Variants in PTPRN2 observed in about 807,000 individuals in gnomAD.
PTPRN2 encodes the protein protein tyrosine phosphatase receptor type N2.
PTPRN2 carries 74 observed loss-of-function variants against 118.8 expected under a neutral mutation model. The observed-to-expected ratio is 0.62, with a 90% confidence interval of 0.52 to 0.76. The LOEUF (loss-of-function observed/expected upper bound fraction) is 0.76, where lower values mean the gene tolerates loss of function less well. Among genes scored for constraint, PTPRN2 ranks in the 30% least tolerant of loss-of-function variants. The pLI, the probability that PTPRN2 is intolerant of heterozygous loss-of-function variation, is 0.00. For synonymous variants in PTPRN2, 641 were observed against 608.0 expected (o/e 1.05, Z -0.80); for missense variants, 1,481 against 1,394.4 (o/e 1.06, Z -0.99).
At chr7:157,807,462 G>T (rs1018100114) in intron 12 of PTPRN2, among the ~76,000 whole-genome samples, 1 of 152,232 alleles carries the variant, frequency 6.6e-6, no homozygotes, top group Non-Finnish European at 1.5e-5. Context: ...GGGCCCAGAT[G>T]TCTCCTCTGG....
chr7:158,140,533 C>T (rs910241751), intron 6 of PTPRN2, among the ~76,000 whole-genome samples: 18 of 152,126 alleles, frequency 1.2e-4, no homozygotes, highest in Non-Finnish European at 7.4e-5. Context: ...ACCACAGAGA[C>T]GAGAAGGGGG....
At chr7:158,437,800 G>A (rs1816671396) in intron 2 of PTPRN2, among the ~76,000 whole-genome samples, 1 of 152,174 alleles carries the variant, frequency 6.6e-6, no homozygotes, top group East Asian at 1.9e-4. Flanking sequence ...CAAGAATTTG[G>A]CAAATGTGTC....
chr7:158,327,284 C>T (rs991346733), intron 2 of PTPRN2, among the ~76,000 whole-genome samples: 2 of 147,950 alleles, frequency 1.4e-5, no homozygotes, highest in African/African-American at 5.0e-5. Flanking sequence ...CTCACACATG[C>T]TCACACATGT....
chr7:157,587,341 A>G lies in PTPRN2; in HGVS notation c.2496+7897T>C, dbSNP rs1291275856. 6.6e-6 allele frequency among the ~76,000 whole-genome samples: 1 copy of G among 152,188 alleles called. No homozygotes were observed. The highest frequency in any genetic ancestry group is 6.5e-5 in the Admixed American group (1 of 15,276). ...CCTGCACGGTGACAGTCAGCTGTCA[A>G]CTGTCATTCTCCTGCACCTCGGCCT... On this transcript the variant is annotated intron_variant, in intron 17 of 22. Transcript: ENST00000389418. This position sits in a 1 kb window ranked among gnomAD's most constrained non-coding sequence, Gnocchi z 5.3.
At chr7:157,811,761 A>G (rs370149973) in intron 12 of PTPRN2, among the ~76,000 whole-genome samples, 69 of 152,032 alleles carry the variant, frequency 4.5e-4, no homozygotes, top group African/African-American at 1.6e-3. Flanking sequence ...GCCTCCCCTC[A>G]TCTGACGAGG....
At position 158,136,588 on chromosome 7, in the gene PTPRN2, A is replaced by G. The variant is rs186893056; in HGVS notation, c.1173+67T>C. On this transcript the variant is annotated intron_variant, in intron 8 of 22. Coordinates refer to ENST00000389418, the MANE Select transcript of PTPRN2 (RefSeq NM_002847.5). Reference sequence around the variant, plus strand: ...TTTTGTATTTCATAAATGTTCCCACACCATGAACAAAAAGATCACCAACTT... The same window carrying G: ...TTTTGTATTTCATAAATGTTCCCACGCCATGAACAAAAAGATCACCAACTT... 1,802 of 1,506,628 alleles carry G rather than the reference A, an allele frequency of 1.2e-3. 23 individuals are homozygous for G. In the African/African-American group the frequency reaches 0.022, roughly 18 times the overall value. 93.3% of individuals were successfully genotyped at this position (1,506,628 alleles called of 1,614,324 possible). A position where few individuals can be genotyped will look rare whatever the true frequency, so the allele number is the denominator to read the frequency against.
chr7:157,655,421 G>A (rs1225754943), intron 14 of PTPRN2, among the ~76,000 whole-genome samples: 1 of 152,202 alleles, frequency 6.6e-6, no homozygotes, highest in Non-Finnish European at 1.5e-5. Context: ...TGGTTTTCTG[G>A]CTTTTTGTGG....
At chr7:157,805,648 C>T (rs1035372385) in intron 12 of PTPRN2, among the ~76,000 whole-genome samples, 6 of 152,242 alleles carry the variant, frequency 3.9e-5, no homozygotes, top group East Asian at 3.9e-4. Context: ...GCCAGTTAAG[C>T]GGTGGGGGCA....
chr7:158,330,886 A>C (rs7790546), intron 2 of PTPRN2, among the ~76,000 whole-genome samples: 59,404 of 63,024 alleles, frequency 0.94, 28,169 homozygotes, highest in Non-Finnish European at 0.95. Context: ...TTCACACCCA[A>C]ACTCTCACCA....
At chr7:158,346,930 CCTGT>C (rs1586412651) in intron 2 of PTPRN2, among the ~76,000 whole-genome samples, 1 of 152,182 alleles carries the variant, frequency 6.6e-6, no homozygotes, top group African/African-American at 2.4e-5. Context: ...AGATTCTTTA[CCTGT>C]CTTTTAATTG....
intron 11 of PTPRN2, among the ~76,000 whole-genome samples, chr7:158,078,378 C>A (rs1208555765): frequency 6.6e-6 from 1 of 152,224 alleles, no homozygotes; most frequent in Non-Finnish European, 1.5e-5. Context: ...GTAATTTCAA[C>A]AGCAGGCTCT....
In PTPRN2 at chr7:158,071,000, CATG is replaced by C. The variant is rs202025021; in HGVS notation, c.1723+10295_1723+10297del. Among the ~76,000 whole-genome samples the C allele has an allele frequency of 3.2e-4, 26 of 81,040 alleles. 1 individual carries two copies. Among genetic ancestry groups the C allele is most frequent in the Non-Finnish European group, 4.7e-4 (21 of 44,272 alleles). 53.2% of individuals were successfully genotyped at this position (81,040 alleles called of 152,430 possible). On this transcript the variant is annotated intron_variant, in intron 11 of 22. Transcript: ENST00000389418. ...AGGTGCCCGTGGTGGTGGAGGTGCT[CATG>C]GTGGTGGAGGTGCTCGTGGTGGAGG... is the stretch of plus-strand genomic sequence containing the variant.
chr7:158,262,642 T>G (rs933690126), intron 3 of PTPRN2, among the ~76,000 whole-genome samples: 20 of 130,578 alleles, frequency 1.5e-4, no homozygotes, highest in Non-Finnish European at 2.5e-4. Flanking sequence ...CTGCAAACAT[T>G]CACTGCACAC....
At chr7:157,575,521 CAAATTACAAA>C (rs1169432991) in intron 19 of PTPRN2, among the ~76,000 whole-genome samples, 1 of 152,124 alleles carries the variant, frequency 6.6e-6, no homozygotes, top group African/African-American at 2.4e-5. Context: ...TCTATTGATT[CAAATTACAAA>C]AAACTGCATT....
At chr7:157,924,759 A>T (rs1267575257) in intron 11 of PTPRN2, among the ~76,000 whole-genome samples, 1 of 152,274 alleles carries the variant, frequency 6.6e-6, no homozygotes, top group Admixed American at 6.5e-5. Context: ...CATGACTGAG[A>T]TGCACAGTTC....
In PTPRN2 at chr7:157,961,157, G is replaced by C. The variant is rs929238585; in HGVS notation, c.1724-62420C>G. 2.6e-5 allele frequency among the ~76,000 whole-genome samples: 4 copies of C among 152,214 alleles called. No homozygotes were observed. The East Asian group carries it at 5.8e-4, about 22-fold the overall frequency. ...TATTCACAGTAGTTATAGTTTATTA[G>C]AGAGATTATGAAGAAATATTTTTCT... On this transcript the variant is annotated intron_variant, in intron 11 of 22. Coordinates refer to ENST00000389418, the MANE Select transcript of PTPRN2 (RefSeq NM_002847.5).
chr7:157,697,456 G>A lies in PTPRN2; in HGVS notation c.1789-14519C>T, dbSNP rs1429649613. On this transcript the variant is annotated intron_variant, in intron 12 of 22. Coordinates refer to ENST00000389418, the MANE Select transcript of PTPRN2 (RefSeq NM_002847.5). ...CTCACCATCTACCCATGCATACTGG[G>A]TCTTAGTAGAGCCCTCACCATCTAC... Among the ~76,000 whole-genome samples, 16 of 100,406 alleles carry A rather than the reference G, an allele frequency of 1.6e-4. No individual in the cohort carries two copies. The South Asian group carries it at 2.9e-3, about 18-fold the overall frequency. 65.9% of individuals were successfully genotyped at this position (100,406 alleles called of 152,430 possible). A position where few individuals can be genotyped will look rare whatever the true frequency, so the allele number is the denominator to read the frequency against.
Position 157,598,456 on chromosome 7 carries a change from T to C in PTPRN2, c.2419-3141A>G, listed in dbSNP as rs1563248631. ...GTCTCCGGGCCTCAGTCTCCATATC[T>C]GTATGGTGGGTGAGCTCAGGGAGTG... On this transcript the variant is annotated intron_variant, in intron 16 of 22. Coordinates refer to ENST00000389418, the MANE Select transcript of PTPRN2 (RefSeq NM_002847.5). This position sits in a 1 kb window ranked among gnomAD's most constrained non-coding sequence, Gnocchi z 5.2. Among the ~76,000 whole-genome samples, 1 of 150,820 alleles carries C rather than the reference T, an allele frequency of 6.6e-6. No individual in the cohort carries two copies. Among genetic ancestry groups the C allele is most frequent in the Non-Finnish European group, 1.5e-5 (1 of 67,880 alleles).
At chr7:158,382,179 G>A (rs929633765) in intron 2 of PTPRN2, among the ~76,000 whole-genome samples, 2 of 152,108 alleles carry the variant, frequency 1.3e-5, no homozygotes, top group Non-Finnish European at 1.5e-5. Flanking sequence ...CAGGCACCTG[G>A]GCAACGCAGC....
Sources: gnomAD v4.1 joint callset for allele counts (sites outside exome capture counted in the v4.1 genomes callset) on GRCh38, gnomAD v4.1.1 for gene constraint, Gnocchi (gnomAD v3.1) non-coding constraint, MANE v1.5 for transcripts, NCBI Gene and HGNC (gene_info 2026-07-23, HGNC 2026-07-21) for gene names.